The following LDLRAD3 variants were observed in gnomAD, a reference collection of about 807,000 sequenced individuals.
LDLRAD3 encodes the protein low-density lipoprotein receptor class A domain-containing protein 3.
LDLRAD3 carries 20 observed loss-of-function variants against 29.4 expected under a neutral mutation model. The ratio of observed to expected loss-of-function variants is 0.68; its 90% CI spans 0.48 to 0.99. The LOEUF (loss-of-function observed/expected upper bound fraction) is 0.99. Among genes scored for constraint, LDLRAD3 ranks in the 50% least tolerant of loss-of-function variants. The pLI, the probability that LDLRAD3 is intolerant of heterozygous loss-of-function variation, is 0.00. For synonymous variants in LDLRAD3, 157 were observed against 192.7 expected, an observed-to-expected ratio of 0.81 and a Z score of 1.53; for missense variants, 420 against 454.3, an observed-to-expected ratio of 0.92 and a Z score of 0.69.
intron 2 of LDLRAD3, among the ~76,000 whole-genome samples, chr11:36,057,253 G>T (rs1237731677): frequency 5.3e-5 from 8 of 152,186 alleles, no homozygotes; most frequent in Admixed American, 2.6e-4. Flanking sequence ...GGTGGATTGA[G>T]GCCAACTTGG....
At chr11:36,028,307 G>A (rs1852192940) in intron 1 of LDLRAD3, among the ~76,000 whole-genome samples, 2 of 152,216 alleles carry the variant, frequency 1.3e-5, no homozygotes, top group South Asian at 4.1e-4. Flanking sequence ...CCTGGCACTT[G>A]CTAGTTGCTG....
At chr11:36,081,344 C>T (rs7928546) in intron 2 of LDLRAD3, among the ~76,000 whole-genome samples, 4 of 152,162 alleles carry the variant, frequency 2.6e-5, no homozygotes, top group Non-Finnish European at 4.4e-5. Flanking sequence ...TTCATCTACT[C>T]GTCATCCATT....
intron 4 of LDLRAD3, among the ~76,000 whole-genome samples, chr11:36,201,410 A>C (rs1349876667): frequency 6.6e-6 from 1 of 152,228 alleles, no homozygotes; most frequent in Admixed American, 6.5e-5. Context: ...CTGAAAAACC[A>C]GATTTGCCAT....
chr11:36,092,841 G>T (rs949009922), intron 3 of LDLRAD3, among the ~76,000 whole-genome samples: 1 of 152,190 alleles, frequency 6.6e-6, no homozygotes, highest in African/African-American at 2.4e-5. Context: ...CACTTTCAAG[G>T]CATGAACATT....
At chr11:36,226,042 G>T (rs56290727) in intron 4 of LDLRAD3, among the ~76,000 whole-genome samples, 2 of 151,338 alleles carry the variant, frequency 1.3e-5, no homozygotes, top group South Asian at 4.2e-4. Flanking sequence ...ACTCCAGCCT[G>T]GGTGACAGAG....
At chr11:36,168,122 G>C (rs1397622052) in intron 4 of LDLRAD3, among the ~76,000 whole-genome samples, 2 of 152,120 alleles carry the variant, frequency 1.3e-5, no homozygotes, top group African/African-American at 4.8e-5. Context: ...AGCTGAATTT[G>C]CTTTTTATTT....
chr11:36,201,470 G>A (rs931736622), intron 4 of LDLRAD3, among the ~76,000 whole-genome samples: 1 of 151,970 alleles, frequency 6.6e-6, no homozygotes, highest in Non-Finnish European at 1.5e-5. Context: ...GGGGTTTTTT[G>A]TATCTTTTAA....
intron 1 of LDLRAD3, among the ~76,000 whole-genome samples, chr11:35,954,981 C>T (rs574885981): frequency 6.6e-5 from 10 of 152,178 alleles, no homozygotes; most frequent in African/African-American, 1.9e-4. Context: ...AGTATTAGGC[C>T]GGGTGCACTG....
At chr11:36,019,932 G>T (rs1852074667) in intron 1 of LDLRAD3, among the ~76,000 whole-genome samples, 1 of 152,128 alleles carries the variant, frequency 6.6e-6, no homozygotes, top group African/African-American at 2.4e-5. Context: ...CTTGGGCCTG[G>T]CTCTCTTCCC....
At chr11:36,199,083 G>T (rs1052628492) in intron 4 of LDLRAD3, among the ~76,000 whole-genome samples, 10 of 152,076 alleles carry the variant, frequency 6.6e-5, no homozygotes, top group African/African-American at 2.4e-4. Flanking sequence ...TATATTTTTA[G>T]TAGAGACGGG....
At chr11:36,092,325 C>T (rs953440079) in intron 3 of LDLRAD3, among the ~76,000 whole-genome samples, 1 of 151,892 alleles carries the variant, frequency 6.6e-6, no homozygotes, top group African/African-American at 2.4e-5. Flanking sequence ...TAAATTTATG[C>T]ATATATATGG....
intron 1 of LDLRAD3, among the ~76,000 whole-genome samples, chr11:35,992,523 C>T (rs1488057476): frequency 6.6e-6 from 1 of 152,132 alleles, no homozygotes; most frequent in African/African-American, 2.4e-5. Context: ...TACAAAGGAA[C>T]AAAGTTCTGA....
chr11:36,078,316 T>G (rs1853050107), intron 2 of LDLRAD3, among the ~76,000 whole-genome samples: 1 of 152,174 alleles, frequency 6.6e-6, no homozygotes, highest in South Asian at 2.1e-4. Flanking sequence ...CTGCTGCCTT[T>G]CATGGTGCCC....
intron 4 of LDLRAD3, among the ~76,000 whole-genome samples, chr11:36,195,942 C>CTTGACTGCTG: frequency 6.6e-6 from 1 of 151,926 alleles, no homozygotes; most frequent in East Asian, 1.9e-4. Context: ...TGCTACCTCC[C>CTTGACTGCTG]ATCAGTCAAG....
At chr11:36,018,902 A>G (rs1010620042) in intron 1 of LDLRAD3, among the ~76,000 whole-genome samples, 25 of 150,936 alleles carry the variant, frequency 1.7e-4, no homozygotes, top group Non-Finnish European at 3.0e-4. Context: ...TTCTTTATTC[A>G]TTTTTTTCTT....
intron 4 of LDLRAD3, among the ~76,000 whole-genome samples, chr11:36,215,776 C>T (rs369554857): frequency 1.9e-4 from 29 of 152,266 alleles, no homozygotes; most frequent in African/African-American, 6.3e-4. Flanking sequence ...TGTATCAGCC[C>T]GTTCCCCTAA....
At chr11:36,136,395 A>G (rs1010808878) in intron 4 of LDLRAD3, among the ~76,000 whole-genome samples, 1 of 152,150 alleles carries the variant, frequency 6.6e-6, no homozygotes, top group African/African-American at 2.4e-5. Context: ...TCTCACGTTG[A>G]ATTGTAATCC....
At chr11:36,187,765 C>T (rs1854874661) in intron 4 of LDLRAD3, among the ~76,000 whole-genome samples, 1 of 152,188 alleles carries the variant, frequency 6.6e-6, no homozygotes, top group Non-Finnish European at 1.5e-5. Flanking sequence ...AGTCATATGT[C>T]TGTGTGACTA....
intron 1 of LDLRAD3, among the ~76,000 whole-genome samples, chr11:35,945,868 G>A (rs992621363): frequency 3.3e-5 from 5 of 152,096 alleles, no homozygotes; most frequent in African/African-American, 4.8e-5. Flanking sequence ...GCTATTTAAT[G>A]TGTGTGTGTA....
Sources: gnomAD v4.1 joint callset for allele counts (sites outside exome capture counted in the v4.1 genomes callset) on GRCh38, gnomAD v4.1.1 for gene constraint, MANE v1.5 for transcripts, NCBI Gene and HGNC (gene_info 2026-07-23, HGNC 2026-07-21) for gene names.